HEPACAM: variants seen among roughly 807,000 people sequenced by gnomAD.
The protein encoded by HEPACAM is hepatocyte cell adhesion molecule.
Under a neutral mutation model 38.3 loss-of-function variants are expected in HEPACAM, and 18 were observed. The ratio of observed to expected loss-of-function variants is 0.47; its 90% CI spans 0.33 to 0.70. The LOEUF is 0.70. Among genes scored for constraint, HEPACAM ranks in the 30% least tolerant of loss-of-function variants. The pLI is 0.03. For synonymous variants in HEPACAM, 216 were observed against 243.1 expected (o/e 0.89, Z 1.04); for missense variants, 466 against 563.0 (o/e 0.83, Z 1.74).
chr11:124,932,714 G>A (rs1393469846), intron 1 of HEPACAM, among the ~76,000 whole-genome samples: 6 of 152,108 alleles, frequency 3.9e-5, no homozygotes, highest in Non-Finnish European at 8.8e-5. Context: ...TGACTGAGTC[G>A]TAGCAAAGAG....
chr11:124,921,071 A>C lies in HEPACAM; in HGVS notation c.*67T>G. On this transcript the variant is annotated 3_prime_UTR_variant, in exon 7 of 7. Coordinates refer to ENST00000298251, the MANE Select transcript of HEPACAM (RefSeq NM_152722.5). This position sits in a 1 kb window ranked among gnomAD's most constrained non-coding sequence, Gnocchi z 4.6. ...CCAGCGCGCCGCGCCCGGGCTTCCC[A>C]GCCCCAGCTTTCCCCCGGGCCACTG... 2 of 1,497,208 alleles carry C rather than the reference A, an allele frequency of 1.3e-6. No homozygotes were observed. The highest frequency in any genetic ancestry group is 2.4e-4 in the Middle Eastern group (1 of 4,238). 92.7% of individuals were successfully genotyped at this position (1,497,208 alleles called of 1,614,324 possible). A position where few individuals can be genotyped will look rare whatever the true frequency, so the allele number is the denominator to read the frequency against.
Position 124,923,775 on chromosome 11 carries a change from G to T in HEPACAM, c.663C>A (p.Asn221Lys). The T allele has an allele frequency of 6.2e-7, 1 of 1,614,216 alleles. No homozygotes were observed. The highest frequency in any genetic ancestry group is 2.2e-5 in the East Asian group (1 of 44,886). ...DDDLYSCMVE[N>K]PISQGRSLPV... The stretch of plus-strand genomic sequence containing the variant: ...GCAGGCTGCGGCCCTGGCTGATGGG[G>T]TTCTCCACCATGCAGCTGTACAGGT... Residue 221 changes from asparagine (N) to lysine (K), a missense_variant, in exon 3 of 7, where the codon AAC becomes AAA. Transcript: ENST00000298251.
rs551240391 is a variant in HEPACAM, at chr11:124,926,857, A to G, written c.86-1788T>C. On this transcript the variant is annotated intron_variant, in intron 1 of 6. Transcript: ENST00000298251. ...AATTAAACGAAAAGGTTGGTGGTGA[A>G]GAACAAAGCAAAAAAAAAATTTTTT... 1.6e-4 allele frequency among the ~76,000 whole-genome samples: 24 copies of G among 152,110 alleles called. 1 individual carries two copies. The South Asian group carries it at 4.8e-3, about 30-fold the overall frequency.
intron 1 of HEPACAM, among the ~76,000 whole-genome samples, chr11:124,933,854 C>T (rs1947311361): frequency 6.6e-6 from 1 of 152,194 alleles, no homozygotes; most frequent in African/African-American, 2.4e-5. Flanking sequence ...CTGGACAGCA[C>T]CACAGGCTTC....
rs970809930 is a variant in HEPACAM, at chr11:124,920,961, C to T, written c.*177G>A. The T allele has an allele frequency of 3.7e-6, 5 of 1,366,902 alleles. No individual in the cohort carries two copies. The African/African-American group carries it at 4.6e-5, about 13-fold the overall frequency. The allele number at this position is 1,366,902 out of a possible 1,614,324, so 84.7% of individuals were successfully genotyped here. A position where few individuals can be genotyped will look rare whatever the true frequency, so the allele number is the denominator to read the frequency against. ...CGGTTTCACCATATCAACACTGCCG[C>T]CTCCGCGCACCCGCCTCCGTCTGCG... On this transcript the variant is annotated 3_prime_UTR_variant, in exon 7 of 7. Transcript: ENST00000298251.
At position 124,935,631 on chromosome 11, in the gene HEPACAM, G is replaced by A. The variant is rs116644752; in HGVS notation, c.85+291C>T. Among the ~76,000 whole-genome samples the A allele has an allele frequency of 0.015, 2,240 of 152,298 alleles. 72 individuals carry two copies. Among genetic ancestry groups the A allele is most frequent in the African/African-American group, 0.051 (2,121 of 41,556 alleles). ...ATGCCAGACTGGCCCACGCCAACAA[G>A]TCATCCCATACGAAATGGCCCAGTG... On this transcript the variant is annotated intron_variant, in intron 1 of 6. Coordinates refer to ENST00000298251, the MANE Select transcript of HEPACAM (RefSeq NM_152722.5).
intron 1 of HEPACAM, among the ~76,000 whole-genome samples, chr11:124,929,844 C>T (rs918540761): frequency 2.0e-5 from 3 of 152,166 alleles, no homozygotes; most frequent in Admixed American, 6.5e-5. Flanking sequence ...AGAGAAATCA[C>T]CATCCACTCA....
In HEPACAM at chr11:124,920,641, T is replaced by C; in HGVS notation, c.*497A>G. The C allele has an allele frequency of 1.0e-6, 1 of 1,002,236 alleles. No homozygotes were observed. The allele number at this position is 1,002,236 out of a possible 1,614,324, so 62.1% of individuals were successfully genotyped here. On this transcript the variant is annotated 3_prime_UTR_variant, in exon 7 of 7. Coordinates refer to ENST00000298251, the MANE Select transcript of HEPACAM (RefSeq NM_152722.5). ...GCTTCTCCTTAGCTTAGTGCAGCTG[T>C]GGATTCTGGGAAAGTGGCCTCTCTA...
Position 124,919,939 on chromosome 11 carries a change from T to G in HEPACAM, c.*1199A>C, listed in dbSNP as rs1947102110. On this transcript the variant is annotated 3_prime_UTR_variant, in exon 7 of 7. Transcript: ENST00000298251. ...ACACAGTAGATTACTGCCACTCCTA[T>G]GAACTGTTCAATAGGCGGTGGCATG... 1.2e-6 allele frequency: 2 copies of G among 1,614,016 alleles called. No individual in the cohort carries two copies. The highest frequency in any genetic ancestry group is 1.7e-6 in the Non-Finnish European group (2 of 1,180,012).
At chr11:124,923,156 T>A (rs1221723644) in intron 4 of HEPACAM, among the ~76,000 whole-genome samples, 184 bp downstream of exon 4, 3 of 152,174 alleles carry the variant, frequency 2.0e-5, no homozygotes, top group Admixed American at 6.5e-5. Context: ...CTATTGTTAC[T>A]GGTGCTGGGG....
intron 1 of HEPACAM, among the ~76,000 whole-genome samples, chr11:124,926,435 C>G (rs1295237047): frequency 6.6e-6 from 1 of 152,118 alleles, no homozygotes; most frequent in Non-Finnish European, 1.5e-5. Context: ...TTTGTTCCAG[C>G]CTTGTAATTC....
intron 1 of HEPACAM, among the ~76,000 whole-genome samples, chr11:124,935,130 G>A (rs1947327102): frequency 6.6e-6 from 1 of 152,048 alleles, no homozygotes; most frequent in South Asian, 2.1e-4. Flanking sequence ...CACACCCTGT[G>A]TCCTACCCTA....
Position 124,921,383 on chromosome 11 carries a change from C to G in HEPACAM, c.1006G>C (p.Gly336Arg). The G allele has an allele frequency of 7.9e-7, 1 of 1,270,778 alleles. No homozygotes were observed. Among genetic ancestry groups the G allele is most frequent in the Non-Finnish European group, 9.9e-7 (1 of 1,010,978 alleles). 78.7% of individuals were successfully genotyped at this position (1,270,778 alleles called of 1,614,324 possible). A position where few individuals can be genotyped will look rare whatever the true frequency, so the allele number is the denominator to read the frequency against. The stretch of plus-strand genomic sequence containing the variant: ...GGAGACACGGAGTAGCCGGGCGGGC[C>G]GGGCTCCGTCGCGCTTCGAGGCTCC... ...APEPRSATEP[G>R]PPGYSVSPAV... is the part of the protein sequence containing the mutation. The change falls in exon 7 of 7, where the codon GGC (glycine) becomes CGC (arginine). Residue 336 changes from glycine to arginine, a missense_variant. By Grantham distance (125) the Gly-to-Arg change is moderately radical. Coordinates refer to ENST00000298251, the MANE Select transcript of HEPACAM (RefSeq NM_152722.5). The surrounding 1 kb of genome is among the most constrained non-coding windows in gnomAD (Gnocchi z 4.6).
chr11:124,931,812 G>T (rs1357691335), intron 1 of HEPACAM, among the ~76,000 whole-genome samples: 1 of 152,204 alleles, frequency 6.6e-6, no homozygotes, highest in Admixed American at 6.5e-5. Flanking sequence ...AAGCCCCGAT[G>T]GGGCTAAGTT....
rs149093986 is a variant in HEPACAM at position 124,923,735 on chromosome 11, C to T, written c.703G>A (p.Val235Ile). The change falls in exon 3 of 7, where the codon GTA becomes ATA. Residue 235 changes from valine to isoleucine, a missense_variant. Transcript: ENST00000298251. ...QGRSLPVKITVYRRSSLYIIL... is the reference protein window; with the variant it reads ...QGRSLPVKITIYRRSSLYIIL... ...AGCCTGCGGGGAAACTCACTGTATA[C>T]GGTGATCTTGACAGGCAGGCTGCGG... 54 of 1,614,002 alleles carry T rather than the reference C, an allele frequency of 3.3e-5. No individual in the cohort carries two copies. In the Middle Eastern group the frequency reaches 3.5e-3, roughly 103 times the overall value.
At position 124,932,567 on chromosome 11, in the gene HEPACAM, C is replaced by G. The variant is rs144561283; in HGVS notation, c.85+3355G>C. Among the ~76,000 whole-genome samples the G allele has an allele frequency of 4.2e-3, 647 of 152,274 alleles. 1 individual carries two copies. Among genetic ancestry groups the G allele is most frequent in the Non-Finnish European group, 7.3e-3 (495 of 68,020 alleles). On this transcript the variant is annotated intron_variant, in intron 1 of 6. Coordinates refer to ENST00000298251, the MANE Select transcript of HEPACAM (RefSeq NM_152722.5). ...TAGCTCCATGACGCCTCAGGGCTAG[C>G]TTGGTGGTGTCTGCCATAGTATAAG...
In HEPACAM at chr11:124,924,066, C is replaced by T; in HGVS notation, c.428-56G>A. 7 of 1,533,920 alleles carry T rather than the reference C, an allele frequency of 4.6e-6. No individual in the cohort carries two copies. The South Asian group carries it at 8.3e-5, about 18-fold the overall frequency. The stretch of plus-strand genomic sequence containing the variant: ...TCATTGGCTAAGAAGTGTCTCCCTT[C>T]CCCTTTTTAGCTCCCTGCCTTCCAA... On this transcript the variant is annotated intron_variant, in intron 2 of 6. Coordinates refer to ENST00000298251, the MANE Select transcript of HEPACAM (RefSeq NM_152722.5). This position sits in a 1 kb window ranked among gnomAD's most constrained non-coding sequence, Gnocchi z 4.4.
At position 124,919,641 on chromosome 11, in the gene HEPACAM, G is replaced by C; in HGVS notation, c.*1497C>G. 5.5e-6 allele frequency: 7 copies of C among 1,282,772 alleles called. No homozygotes were observed. The highest frequency in any genetic ancestry group is 2.8e-4 in the Middle Eastern group (1 of 3,622). 79.5% of individuals were successfully genotyped at this position (1,282,772 alleles called of 1,614,324 possible). ...GCTCAAATGAGCCTGGGGAAGTGCC[G>C]AGGGACAGGGAGCTGAGACAGGCAT... is the stretch of plus-strand genomic sequence containing the variant. On this transcript the variant is annotated 3_prime_UTR_variant, in exon 7 of 7. Coordinates refer to ENST00000298251, the MANE Select transcript of HEPACAM (RefSeq NM_152722.5).
chr11:124,922,898 TG>T (rs1423072856), intron 4 of HEPACAM, 80 bp from the exon 5 acceptor site: 4 of 1,440,230 alleles, frequency 2.8e-6, no homozygotes, highest in African/African-American at 2.8e-5. Flanking sequence ...GGGAGGGATC[TG>T]ATGGCCATAA....
Sources: allele counts gnomAD v4.1 joint callset (sites outside exome capture counted in the v4.1 genomes callset), GRCh38; gene constraint gnomAD v4.1.1; non-coding constraint Gnocchi (gnomAD v3.1); transcripts MANE v1.5; gene names NCBI Gene and HGNC (gene_info 2026-07-23, HGNC 2026-07-21).